PRMT9: variants seen among roughly 807,000 people sequenced by gnomAD.
PRMT9 encodes the protein protein arginine methyltransferase 9.
PRMT9 carries 59 observed loss-of-function variants against 83.2 expected under a neutral mutation model. That is an observed-to-expected ratio of 0.71 (90% CI 0.57 to 0.88). The LOEUF is 0.88. PRMT9 is among the 40% of genes least tolerant of loss of function. The pLI is 0.00. For missense variants in PRMT9, 947 were observed against 1,021.9 expected (o/e 0.93, Z 1.00); for synonymous variants, 333 against 353.2 (o/e 0.94, Z 0.64).
intron 7 of PRMT9, 38 bp downstream of exon 7, chr4:147,660,808 A>G: frequency 7.2e-7 from 1 of 1,380,234 alleles, no homozygotes; most frequent in East Asian, 2.3e-5. Context: ...CAATGCATGA[A>G]ATTTAATGCT....
At chr4:147,670,066 C>G (rs1317744430) in intron 5 of PRMT9, among the ~76,000 whole-genome samples, 1 of 152,200 alleles carries the variant, frequency 6.6e-6, no homozygotes, top group East Asian at 1.9e-4. Flanking sequence ...ATAAAGTAAT[C>G]TCAATTCCTA....
At chr4:147,663,363 T>C (rs1268893973) in intron 6 of PRMT9, among the ~76,000 whole-genome samples, 1 of 151,194 alleles carries the variant, frequency 6.6e-6, no homozygotes, top group Admixed American at 6.6e-5. Flanking sequence ...AAAAAAGATG[T>C]GACAATTTTT....
At chr4:147,660,055 C>T (rs1013747382) in intron 7 of PRMT9, among the ~76,000 whole-genome samples, 1 of 152,204 alleles carries the variant, frequency 6.6e-6, no homozygotes, top group South Asian at 2.1e-4. Flanking sequence ...AATGCACATA[C>T]AACCTAGAGA....
intron 10 of PRMT9, among the ~76,000 whole-genome samples, chr4:147,640,942 G>T (rs1733356916): frequency 6.6e-6 from 1 of 151,966 alleles, no homozygotes; most frequent in African/African-American, 2.4e-5. Flanking sequence ...TGAACTCCTG[G>T]GCCCAAGCAA....
chr4:147,663,198 C>A (rs1008839554), intron 6 of PRMT9, among the ~76,000 whole-genome samples: 1 of 151,340 alleles, frequency 6.6e-6, no homozygotes, highest in Non-Finnish European at 1.5e-5. Flanking sequence ...TTAGTAGAGA[C>A]GGGGTTTCAC....
chr4:147,675,176 C>T (rs972360454), intron 2 of PRMT9, among the ~76,000 whole-genome samples: 2 of 152,142 alleles, frequency 1.3e-5, no homozygotes, highest in East Asian at 3.9e-4. Flanking sequence ...GATGGGGTTT[C>T]TCCATGTTGG....
At chr4:147,679,959 A>C (rs987452561) in intron 2 of PRMT9, among the ~76,000 whole-genome samples, 3 of 152,154 alleles carry the variant, frequency 2.0e-5, no homozygotes, top group Admixed American at 6.5e-5. Context: ...TGGCATCCCA[A>C]GAGGCAAAAC....
chr4:147,670,461 G>A (rs1276847656), intron 5 of PRMT9, among the ~76,000 whole-genome samples, 180 bp downstream of exon 5: 1 of 152,188 alleles, frequency 6.6e-6, no homozygotes, highest in Non-Finnish European at 1.5e-5. Context: ...TTACAGGCAT[G>A]AGCCACTGCA....
chr4:147,650,989 C>G (rs1734061998), intron 9 of PRMT9, among the ~76,000 whole-genome samples: 1 of 152,068 alleles, frequency 6.6e-6, no homozygotes, highest in African/African-American at 2.4e-5. Flanking sequence ...GTAGTCCCAG[C>G]TACTCGGGAG....
rs1470093930 is a variant in PRMT9 at position 147,680,369 on chromosome 4, G to C, written c.292C>G (p.Pro98Ala). 1.2e-6 allele frequency: 2 copies of C among 1,614,038 alleles called. No individual in the cohort carries two copies. ...GCYEQALELF[P>A]DDEVICNSMG... Reference sequence around the variant, plus strand: ...CTATTGCAAATCACTTCATCATCAGGAAACAGTTCCAAGGCCTGCTCATAG... The same window carrying C: ...CTATTGCAAATCACTTCATCATCAGCAAACAGTTCCAAGGCCTGCTCATAG... Residue 98 changes from proline to alanine, a missense_variant, in exon 2 of 12, where the codon CCT (proline) becomes GCT (alanine). Coordinates refer to ENST00000322396, the MANE Select transcript of PRMT9 (RefSeq NM_138364.4).
In PRMT9 at chr4:147,638,622, T is replaced by C; in HGVS notation, c.2448A>G (p.Leu816=). ...CCATTTCAACCTGGATGGGATTATC[T>C]AAAACAACTGCAGCTTGTTTCCAGT... is the stretch of plus-strand genomic sequence containing the variant. ...ASHWKQAAVV[L]DNPIQVEMGE... Residue 816 remains leucine, a synonymous_variant, in exon 12 of 12, where the codon TTA becomes TTG. Transcript: ENST00000322396. 1 of 1,613,908 alleles carries C rather than the reference T, an allele frequency of 6.2e-7. No homozygotes were observed. The highest frequency in any genetic ancestry group is 8.5e-7 in the Non-Finnish European group (1 of 1,179,830).
chr4:147,639,558 G>A lies in PRMT9; in HGVS notation c.2200-476C>T, dbSNP rs566781394. On this transcript the variant is annotated intron_variant, in intron 10 of 11. Coordinates refer to ENST00000322396, the MANE Select transcript of PRMT9 (RefSeq NM_138364.4). ...AAGGCAGTGGCTCTCAATCTTGGCT[G>A]CAAATTAAAATCACCTGGGGAGGTT... Among the ~76,000 whole-genome samples the A allele has an allele frequency of 3.3e-5, 5 of 152,258 alleles. No individual in the cohort carries two copies. In the South Asian group the frequency reaches 1.0e-3, roughly 32 times the overall value.
chr4:147,643,120 T>C (rs1733518151), intron 9 of PRMT9, among the ~76,000 whole-genome samples, 180 bp from the exon 10 acceptor site: 1 of 151,708 alleles, frequency 6.6e-6, no homozygotes, highest in East Asian at 1.9e-4. Context: ...ACTAGCCAAC[T>C]AGATCCACAG....
Position 147,670,725 on chromosome 4 carries a change from T to C in PRMT9, c.762A>G (p.Thr254=), listed in dbSNP as rs1407521397. 1 of 1,610,282 alleles carries C rather than the reference T, an allele frequency of 6.2e-7. No homozygotes were observed. Among genetic ancestry groups the C allele is most frequent in the Non-Finnish European group, 8.5e-7 (1 of 1,176,884 alleles). ...CAAATAAACCTGCATCGACAGTTTC[T>C]GTTACAACTAGGGACACTCTATAGA... ...HIPERVSLVV[T]ETVDAGLFGE... Residue 254 remains threonine, a synonymous_variant, in exon 5 of 12, where the codon ACA becomes ACG. Transcript: ENST00000322396.
intron 6 of PRMT9, among the ~76,000 whole-genome samples, chr4:147,662,335 G>A (rs1463322146): frequency 6.6e-6 from 1 of 152,094 alleles, no homozygotes; most frequent in Non-Finnish European, 1.5e-5. Flanking sequence ...AGGGAGAGTG[G>A]GGCACTGGTA....
chr4:147,640,093 T>TTTTTTTTA (rs1225892861), intron 10 of PRMT9, among the ~76,000 whole-genome samples: 1 of 18,520 alleles, frequency 5.4e-5, no homozygotes, highest in Admixed American at 6.6e-4. Context: ...TTTTTTTTAA[T>TTTTTTTTA]ATAGGGTCTC....
chr4:147,655,788 C>A (rs1239261608), intron 8 of PRMT9, among the ~76,000 whole-genome samples: 1 of 152,080 alleles, frequency 6.6e-6, no homozygotes, highest in East Asian at 1.9e-4. Context: ...AGGAGGATAC[C>A]AAAGTGCTAG....
At chr4:147,666,081 A>G (rs1735314453) in intron 6 of PRMT9, among the ~76,000 whole-genome samples, 1 of 152,242 alleles carries the variant, frequency 6.6e-6, no homozygotes, top group Non-Finnish European at 1.5e-5. Flanking sequence ...AACCTATGAG[A>G]AAATAAGATA....
rs372261282 is a variant in PRMT9, at chr4:147,683,931, G to A, written c.57C>T (p.Ala19=). The change falls in exon 1 of 12, where the codon GCC becomes GCT. Residue 19 remains alanine, a synonymous_variant. Coordinates refer to ENST00000322396, the MANE Select transcript of PRMT9 (RefSeq NM_138364.4). ...RRDAGGGAGA[A]GRDELVSRSL... ...ACCGCGACACCAGCTCGTCCCGGCC[G>A]GCTGCCCCAGCGCCACCCCCGGCGT... is the stretch of plus-strand genomic sequence containing the variant. The A allele has an allele frequency of 1.2e-6, 2 of 1,612,810 alleles. No individual in the cohort carries two copies. Among genetic ancestry groups the A allele is most frequent in the African/African-American group, 1.3e-5 (1 of 74,920 alleles).
Sources: gnomAD v4.1 joint callset for allele counts (sites outside exome capture counted in the v4.1 genomes callset) on GRCh38, gnomAD v4.1.1 for gene constraint, MANE v1.5 for transcripts, NCBI Gene and HGNC (gene_info 2026-07-23, HGNC 2026-07-21) for gene names.